The following ATR variants were observed in gnomAD, a reference collection of about 807,000 sequenced individuals.
ATR encodes serine/threonine-protein kinase ATR.
ATR carries 142 observed loss-of-function variants against 305.3 expected under a neutral mutation model. The ratio of observed to expected loss-of-function variants is 0.47; its 90% CI spans 0.41 to 0.53. The LOEUF is 0.53. Among genes scored for constraint, ATR ranks in the 20% least tolerant of loss-of-function variants. The pLI is 0.00. For synonymous variants in ATR, 1,050 were observed against 1,068.1 expected, an observed-to-expected ratio of 0.98 and a Z score of 0.33; for missense variants, 2,135 against 3,133.1, an observed-to-expected ratio of 0.68 and a Z score of 7.60.
intron 1 of ATR, among the ~76,000 whole-genome samples, chr3:142,576,651 T>C (rs2035450659): frequency 6.6e-6 from 1 of 152,220 alleles, no homozygotes; most frequent in African/African-American, 2.4e-5. Context: ...GTATTGGATA[T>C]TCTGAACCTT....
chr3:142,573,990 A>T (rs2035357391), intron 1 of ATR, among the ~76,000 whole-genome samples: 1 of 152,244 alleles, frequency 6.6e-6, no homozygotes, highest in South Asian at 2.1e-4. Flanking sequence ...CACAAGTATC[A>T]TTTAAAAATG....
At chr3:142,481,886 G>C (rs1454735691) in intron 36 of ATR, among the ~76,000 whole-genome samples, 1 of 151,632 alleles carries the variant, frequency 6.6e-6, no homozygotes, top group African/African-American at 2.4e-5. Flanking sequence ...GCAGTGGCAT[G>C]ATCATAGCTC....
intron 36 of ATR, among the ~76,000 whole-genome samples, chr3:142,477,487 G>A (rs1450018638): frequency 6.6e-6 from 1 of 152,076 alleles, no homozygotes; most frequent in African/African-American, 2.4e-5. Context: ...TGCTGGATTC[G>A]GTTTGCCAGT....
chr3:142,453,760 C>T (rs1374167153), intron 45 of ATR, among the ~76,000 whole-genome samples: 4 of 152,172 alleles, frequency 2.6e-5, no homozygotes, highest in Admixed American at 6.5e-5. Flanking sequence ...ATCATCCACC[C>T]ATTTGCCCTA....
At chr3:142,491,270 T>C (rs2031261045) in intron 35 of ATR, among the ~76,000 whole-genome samples, 1 of 152,190 alleles carries the variant, frequency 6.6e-6, no homozygotes, top group Non-Finnish European at 1.5e-5. Context: ...CATTCTACAG[T>C]AGTCAGCCTC....
chr3:142,539,075 GAAAC>G (rs2033962137), intron 18 of ATR, among the ~76,000 whole-genome samples: 1 of 152,100 alleles, frequency 6.6e-6, no homozygotes, highest in Admixed American at 6.6e-5. Flanking sequence ...TAAAGAAACT[GAAAC>G]AAGTGAACCT....
intron 41 of ATR, among the ~76,000 whole-genome samples, chr3:142,463,788 C>T (rs951259001): frequency 6.6e-6 from 1 of 152,124 alleles, no homozygotes; most frequent in South Asian, 2.1e-4. Context: ...TTAAACCAAG[C>T]AGACTATAAC....
At chr3:142,456,731 A>T (rs1048651001) in intron 45 of ATR, among the ~76,000 whole-genome samples, 4 of 152,248 alleles carry the variant, frequency 2.6e-5, no homozygotes, top group African/African-American at 7.2e-5. Flanking sequence ...CCACAATGAG[A>T]TACAACTTCA....
chr3:142,472,079 A>T (rs944635870), intron 36 of ATR: 9 of 124,550 alleles, frequency 7.2e-5, no homozygotes, highest in African/African-American at 3.2e-4. Context: ...CCTGAATAGT[A>T]TTCCATTGTG....
chr3:142,505,000 T>C (rs2032164924), intron 29 of ATR, 139 bp downstream of exon 29: 1 of 1,027,668 alleles, frequency 9.7e-7, no homozygotes, highest in Admixed American at 2.1e-5. Context: ...GCCAAGATCA[T>C]GCCACTGCAC....
chr3:142,552,955 A>G (rs10935465), intron 13 of ATR, among the ~76,000 whole-genome samples: 1 of 147,672 alleles, frequency 6.8e-6, no homozygotes, highest in Non-Finnish European at 1.5e-5. Context: ...TGGGGCCTGT[A>G]AGGGGGGTGG....
chr3:142,542,627 G>T, intron 17 of ATR, 38 bp downstream of exon 17: 2 of 1,507,092 alleles, frequency 1.3e-6, no homozygotes, highest in South Asian at 1.1e-5. Context: ...TATTCTGTAT[G>T]AATTCTATCT....
chr3:142,554,201 A>C (rs1577686223), intron 10 of ATR, among the ~76,000 whole-genome samples, 186 bp from the exon 11 acceptor site: 1 of 152,290 alleles, frequency 6.6e-6, no homozygotes, highest in African/African-American at 2.4e-5. Context: ...TATAAATTAA[A>C]ATTACTTTAT....
chr3:142,462,441 G>C (rs1038026149), intron 41 of ATR, among the ~76,000 whole-genome samples: 2 of 151,478 alleles, frequency 1.3e-5, no homozygotes, highest in Non-Finnish European at 2.9e-5. Flanking sequence ...GAAACATTAA[G>C]TCTTTAGGCA....
At position 142,556,022 on chromosome 3, in the gene ATR, G is replaced by C. The variant is rs904124330; in HGVS notation, c.2196C>G (p.Phe732Leu). 6.2e-6 allele frequency: 10 copies of C among 1,613,916 alleles called. No homozygotes were observed. The highest frequency in any genetic ancestry group is 1.7e-5 in the Admixed American group (1 of 59,990). ...FYLTSSLTEP[F>L]SEHGHVDLFC... is the part of the protein sequence containing the mutation. Reference sequence around the variant, plus strand: ...AGAGGTCCACATGTCCGTGTTCAGAGAAAGGTTCTGTTAAAGAACTTGTCA... The same window carrying C: ...AGAGGTCCACATGTCCGTGTTCAGACAAAGGTTCTGTTAAAGAACTTGTCA... The change falls in exon 10 of 47, where the codon TTC (phenylalanine) becomes TTG (leucine). Residue 732 changes from phenylalanine to leucine, a missense_variant. Phe to Leu is a conservative substitution (Grantham distance 22). Coordinates refer to ENST00000350721, the MANE Select transcript of ATR (RefSeq NM_001184.4).
At chr3:142,503,248 T>C (rs970965704) in intron 30 of ATR, 114 bp downstream of exon 30, 12 of 776,424 alleles carry the variant, frequency 1.5e-5, no homozygotes, top group South Asian at 5.2e-5. Flanking sequence ...TCCAATACCA[T>C]GAAAACACAT....
At chr3:142,477,459 A>T (rs2029952795) in intron 36 of ATR, among the ~76,000 whole-genome samples, 1 of 152,180 alleles carries the variant, frequency 6.6e-6, no homozygotes, top group Admixed American at 6.5e-5. Flanking sequence ...ATCATGGTGG[A>T]TAAGCTTTTT....
rs745657198 is a variant in ATR, at chr3:142,496,325, T to C, written c.5898+36A>G. 5.3e-5 allele frequency: 19 copies of C among 355,264 alleles called. 1 individual carries two copies. The highest frequency in any genetic ancestry group is 4.3e-4 in the East Asian group (5 of 11,764). 22.0% of individuals were successfully genotyped at this position (355,264 alleles called of 1,614,324 possible). A position where few individuals can be genotyped will look rare whatever the true frequency, so the allele number is the denominator to read the frequency against. ...ATATATATATATATATATATATATA[T>C]ATATATATATATGATGACATTTCCC... is the stretch of plus-strand genomic sequence containing the variant. On this transcript the variant is annotated intron_variant, in intron 34 of 46. Transcript: ENST00000350721.
Position 142,506,565 on chromosome 3 carries a change from T to C in ATR, c.5032-1262A>G, listed in dbSNP as rs773735367. Among the ~76,000 whole-genome samples, 88 of 152,160 alleles carry C rather than the reference T, an allele frequency of 5.8e-4. 1 individual carries two copies. Among genetic ancestry groups the C allele is most frequent in the Admixed American group, 1.5e-3 (23 of 15,296 alleles). ...TAGCCAGGTGTGGTAGCAGCGCCTG[T>C]GGTCCCAGCTGCTCGGGAGGCTGAG... On this transcript the variant is annotated intron_variant, in intron 28 of 46. Coordinates refer to ENST00000350721, the MANE Select transcript of ATR (RefSeq NM_001184.4).
Sources: allele counts gnomAD v4.1 joint callset (sites outside exome capture counted in the v4.1 genomes callset), GRCh38; gene constraint gnomAD v4.1.1; transcripts MANE v1.5; gene names NCBI Gene and HGNC (gene_info 2026-07-23, HGNC 2026-07-21).